Variants in ASH1L observed in about 807,000 individuals in gnomAD.
The protein encoded by ASH1L is ASH1 like histone lysine methyltransferase, also known as histone-lysine N-methyltransferase ASH1L.
A neutral mutation model predicts 269.0 loss-of-function variants in ASH1L; 23 were observed. That is an observed-to-expected ratio of 0.09 (90% CI 0.06 to 0.12). ASH1L has a LOEUF of 0.12. Among genes scored for constraint, ASH1L ranks in the 10% least tolerant of loss-of-function variants. ASH1L has a pLI of 1.00. For synonymous variants in ASH1L, 1,187 were observed against 1,253.5 expected (o/e 0.95, Z 1.12); for missense variants, 2,912 against 3,567.8 (o/e 0.82, Z 4.68).
chr1:155,368,659 C>T (rs982497683), intron 12 of ASH1L, among the ~76,000 whole-genome samples: 3 of 151,786 alleles, frequency 2.0e-5, no homozygotes, highest in Non-Finnish European at 4.4e-5. Context: ...GTTTCACCGT[C>T]TTGGCCAGGC....
At chr1:155,518,283 A>C (rs1251486267) in intron 2 of ASH1L, among the ~76,000 whole-genome samples, 1 of 152,170 alleles carries the variant, frequency 6.6e-6, no homozygotes, top group Non-Finnish European at 1.5e-5. Flanking sequence ...AAAACGATAA[A>C]ACCCTCAGGA....
chr1:155,523,642 C>A (rs1377952107), intron 1 of ASH1L, among the ~76,000 whole-genome samples: 2 of 152,306 alleles, frequency 1.3e-5, no homozygotes, highest in Non-Finnish European at 2.9e-5. Context: ...GGGGCCAAGG[C>A]AGGTGCATCA....
chr1:155,441,657 G>A (rs1332362212), intron 4 of ASH1L, among the ~76,000 whole-genome samples: 2 of 150,838 alleles, frequency 1.3e-5, no homozygotes, highest in Non-Finnish European at 3.0e-5. Flanking sequence ...TAGTAGAGAC[G>A]GGGTTTCACC....
intron 1 of ASH1L, among the ~76,000 whole-genome samples, chr1:155,555,771 T>C (rs1277881074): frequency 6.6e-6 from 1 of 152,162 alleles, no homozygotes; most frequent in Admixed American, 6.5e-5. Context: ...GTAATATGGA[T>C]TAGAAGTAGA....
At chr1:155,518,796 A>C (rs1668667947) in intron 2 of ASH1L, among the ~76,000 whole-genome samples, 1 of 128,818 alleles carries the variant, frequency 7.8e-6, no homozygotes, top group Non-Finnish European at 1.6e-5. Flanking sequence ...GGAGAGGTAG[A>C]GGGGAGACGG....
At chr1:155,357,837 C>G in intron 13 of ASH1L, 88 bp from the exon 14 acceptor site, 1 of 1,285,732 alleles carries the variant, frequency 7.8e-7, no homozygotes. Context: ...ATAGTATGAT[C>G]ATGGCTCACT....
chr1:155,440,172 G>C (rs1662438147), intron 4 of ASH1L, among the ~76,000 whole-genome samples: 1 of 151,994 alleles, frequency 6.6e-6, no homozygotes, highest in Non-Finnish European at 1.5e-5. Context: ...GCCCAGTGTG[G>C]TTTCCTGTAC....
chr1:155,527,887 C>A (rs1212326890), intron 1 of ASH1L, among the ~76,000 whole-genome samples: 1 of 152,080 alleles, frequency 6.6e-6, no homozygotes, highest in African/African-American at 2.4e-5. Context: ...CTGGCTACTA[C>A]CCTCTGTCTC....
Position 155,481,038 on chromosome 1 carries a change from A to C in ASH1L, c.1832T>G (p.Leu611Trp). ...ACCAACTGACCTATGACCAACGTTC[A>C]AGTGGGTACTTTCAGAAGTAAACTG... is the stretch of plus-strand genomic sequence containing the variant. ...KNQFTSESTH[L>W]NVGHRSVGHS... Residue 611 changes from leucine to tryptophan, a missense_variant, in exon 3 of 28, where the codon TTG becomes TGG. By Grantham distance (61) the Leu-to-Trp change is moderately conservative. Around this residue, in one of 13 missense-constraint regions of ASH1L, gnomAD observed 715 missense variants for 721.0 expected, o/e 0.99. Coordinates refer to ENST00000392403, the MANE Select transcript of ASH1L (RefSeq NM_018489.3). 1 of 1,614,072 alleles carries C rather than the reference A, an allele frequency of 6.2e-7. No homozygotes were observed.
At chr1:155,390,850 C>T (rs766329220) in intron 7 of ASH1L, among the ~76,000 whole-genome samples, 17 of 151,126 alleles carry the variant, frequency 1.1e-4, no homozygotes, top group East Asian at 2.0e-4. Flanking sequence ...GTGGTTTCAC[C>T]GTGTTAGCCA....
rs754349207 is a variant in ASH1L at position 155,438,377 on chromosome 1, T to C, written c.5778A>G (p.Arg1926=). The change falls in exon 5 of 28, where the codon AGA becomes AGG. Residue 1926 remains arginine, a synonymous_variant. Coordinates refer to ENST00000392403, the MANE Select transcript of ASH1L (RefSeq NM_018489.3). ...CCTCTGGTAATGGCTTCTGCTTTTT[T>C]CTGGTCTGTTCTTCCAATAGCCAAC... The part of the protein sequence containing the change: ...RKGWLLEEQT[R]KKQKPLPEEE... 1 of 1,597,116 alleles carries C rather than the reference T, an allele frequency of 6.3e-7. No individual in the cohort carries two copies. Among genetic ancestry groups the C allele is most frequent in the Admixed American group, 1.8e-5 (1 of 55,174 alleles).
At chr1:155,562,004 T>TC (rs1171938710) in intron 1 of ASH1L, 149 bp downstream of exon 1, 1 of 613,376 alleles carries the variant, frequency 1.6e-6, no homozygotes, top group Non-Finnish European at 2.8e-6. Flanking sequence ...AGGCTCAGGA[T>TC]CCCCCTCCCT....
rs1267022899 is a variant in ASH1L at position 155,337,902 on chromosome 1, G to T, written c.8804-151C>A. Reference sequence around the variant, plus strand: ...CCTCCAACCCTACGTGAAAAAGGTGGTTCTTTAGAGGAGATCATCTCACCT... The same window carrying T: ...CCTCCAACCCTACGTGAAAAAGGTGTTTCTTTAGAGGAGATCATCTCACCT... On this transcript the variant is annotated intron_variant, in intron 27 of 27. Coordinates refer to ENST00000392403, the MANE Select transcript of ASH1L (RefSeq NM_018489.3). 3.0e-6 allele frequency: 3 copies of T among 1,013,624 alleles called. No individual in the cohort carries two copies. The Admixed American group carries it at 7.7e-5, about 26-fold the overall frequency. 62.8% of individuals were successfully genotyped at this position (1,013,624 alleles called of 1,614,324 possible).
At chr1:155,433,673 G>A (rs1176294153) in intron 5 of ASH1L, 1 of 1,600,804 alleles carries the variant, frequency 6.2e-7, no homozygotes. Flanking sequence ...ATATACACAG[G>A]CCGATGTGGG....
Position 155,357,577 on chromosome 1 carries a change from T to C in ASH1L, c.6960+8A>G, listed in dbSNP as rs748577250. On this transcript the variant is annotated splice_region_variant and intron_variant, in intron 14 of 27. Coordinates refer to ENST00000392403, the MANE Select transcript of ASH1L (RefSeq NM_018489.3). The stretch of plus-strand genomic sequence containing the variant: ...GCTTTTGGGGAAAGTCATTAGATAA[T>C]TATTCACCCTTTTCTTCAGCTTGTG... The C allele has an allele frequency of 3.1e-6, 5 of 1,613,834 alleles. No individual in the cohort carries two copies. In the African/African-American group the frequency reaches 4.0e-5, roughly 13 times the overall value.
At chr1:155,424,286 A>G (rs1346952390) in intron 5 of ASH1L, among the ~76,000 whole-genome samples, 1 of 152,226 alleles carries the variant, frequency 6.6e-6, no homozygotes, top group Admixed American at 6.6e-5. Context: ...AGATTCCAGT[A>G]AACTGCTCAC....
At chr1:155,498,503 A>G (rs530135799) in intron 2 of ASH1L, among the ~76,000 whole-genome samples, 243 of 151,008 alleles carry the variant, frequency 1.6e-3, no homozygotes, top group African/African-American at 5.7e-3. Context: ...GTGCAATGGC[A>G]TTATCTCGGC....
chr1:155,484,226 C>T (rs1253920528), intron 2 of ASH1L, among the ~76,000 whole-genome samples: 4 of 152,164 alleles, frequency 2.6e-5, no homozygotes, highest in South Asian at 2.1e-4. Flanking sequence ...TGGTGGCTCA[C>T]GCCTGTAATC....
At chr1:155,517,793 CTTTTTTT>C (rs780065449) in intron 2 of ASH1L, among the ~76,000 whole-genome samples, 1 of 70,918 alleles carries the variant, frequency 1.4e-5, no homozygotes, top group African/African-American at 5.9e-5. Context: ...CCAATAATTT[CTTTTTTT>C]TTTTTTTTTT....
Sources: allele counts gnomAD v4.1 joint callset (sites outside exome capture counted in the v4.1 genomes callset), GRCh38; gene constraint gnomAD v4.1.1; regional missense constraint gnomAD v4.1.1; transcripts MANE v1.5; gene names NCBI Gene and HGNC (gene_info 2026-07-23, HGNC 2026-07-21).